The following PLCB4 variants were observed in gnomAD, a reference collection of about 807,000 sequenced individuals.
PLCB4 encodes the protein phospholipase C beta 4.
Under a neutral mutation model 178.8 loss-of-function variants are expected in PLCB4, and 77 were observed. The observed-to-expected ratio is 0.43, with a 90% CI of 0.36 to 0.52. PLCB4 has a LOEUF of 0.52. Ranked by LOEUF, PLCB4 falls within the 20% of genes least tolerant of loss-of-function variation. The pLI is 0.00. For missense variants in PLCB4, 1,024 were observed against 1,453.4 expected (o/e 0.70, Z 4.80); for synonymous variants, 496 against 490.8 (o/e 1.01, Z -0.14).
intron 3 of PLCB4, among the ~76,000 whole-genome samples, chr20:9,235,141 G>A (rs1459024782): frequency 2.0e-5 from 3 of 152,188 alleles, no homozygotes; most frequent in African/African-American, 7.2e-5. Context: ...TAATGAAAGT[G>A]TGGTAGGGTC....
intron 3 of PLCB4, among the ~76,000 whole-genome samples, chr20:9,270,551 T>C (rs908869591): frequency 6.6e-6 from 1 of 152,180 alleles, no homozygotes; most frequent in African/African-American, 2.4e-5. Context: ...TATGTACCAT[T>C]CATGACTTAC....
chr20:9,266,458 A>G (rs1214596964), intron 3 of PLCB4, among the ~76,000 whole-genome samples: 1 of 152,206 alleles, frequency 6.6e-6, no homozygotes, highest in East Asian at 1.9e-4. Flanking sequence ...CACACGTCTG[A>G]AATCAAATCC....
chr20:9,463,446 G>GC (rs1568894032), intron 35 of PLCB4, among the ~76,000 whole-genome samples: 1 of 151,878 alleles, frequency 6.6e-6, no homozygotes, highest in Non-Finnish European at 1.5e-5. Flanking sequence ...TAGGCTAAAT[G>GC]CCCCAATTAA....
At chr20:9,271,720 C>G (rs75392635) in intron 3 of PLCB4, among the ~76,000 whole-genome samples, 4,173 of 152,174 alleles carry the variant, frequency 0.027, 198 homozygotes, top group African/African-American at 0.093. Context: ...CACTTAGCTT[C>G]TTCCAAGAAG....
intron 2 of PLCB4, among the ~76,000 whole-genome samples, chr20:9,156,693 A>C (rs1390239490): frequency 6.6e-6 from 1 of 152,154 alleles, no homozygotes; most frequent in Admixed American, 6.6e-5. Context: ...TTTGACATTC[A>C]AAAGCAATCA....
chr20:9,459,396 AGT>A (rs2043254637), intron 34 of PLCB4, among the ~76,000 whole-genome samples: 1 of 152,184 alleles, frequency 6.6e-6, no homozygotes, highest in Non-Finnish European at 1.5e-5. Context: ...TAAGTGAGGC[AGT>A]AAAATAAGGG....
intron 2 of PLCB4, among the ~76,000 whole-genome samples, chr20:9,100,348 TAAC>T (rs1332192493): frequency 1.3e-5 from 2 of 152,198 alleles, no homozygotes; most frequent in African/African-American, 4.8e-5. Context: ...CGTGGAATAA[TAAC>T]AGGACAATTT....
At chr20:9,107,120 G>A (rs903084884) in intron 2 of PLCB4, among the ~76,000 whole-genome samples, 5 of 152,132 alleles carry the variant, frequency 3.3e-5, no homozygotes, top group Non-Finnish European at 7.4e-5. Context: ...TCGATTAGTT[G>A]TGTGTTTATT....
chr20:9,358,333 C>T (rs768656920), intron 7 of PLCB4, among the ~76,000 whole-genome samples: 1 of 152,206 alleles, frequency 6.6e-6, no homozygotes, highest in Non-Finnish European at 1.5e-5. Flanking sequence ...TCTGTGAAAA[C>T]AGAGAGCCAA....
intron 28 of PLCB4, among the ~76,000 whole-genome samples, chr20:9,434,581 G>T (rs1386814919): frequency 1.3e-5 from 2 of 152,114 alleles, no homozygotes; most frequent in Non-Finnish European, 2.9e-5. Context: ...TCACCATGTT[G>T]CCTAGGCTGG....
intron 3 of PLCB4, among the ~76,000 whole-genome samples, chr20:9,259,249 A>G (rs2094271766): frequency 6.6e-6 from 1 of 152,212 alleles, no homozygotes; most frequent in Non-Finnish European, 1.5e-5. Flanking sequence ...ATAATATTGC[A>G]TGGCTTTCTC....
intron 3 of PLCB4, among the ~76,000 whole-genome samples, chr20:9,258,324 G>A (rs1308252084): frequency 6.6e-6 from 1 of 152,152 alleles, no homozygotes; most frequent in Non-Finnish European, 1.5e-5. Context: ...GAGTGGACCA[G>A]TAACTAAACA....
rs1017698050 is a variant in PLCB4 at position 9,415,642 on chromosome 20, G to A, written c.2052-4165G>A. Among the ~76,000 whole-genome samples, 4 of 152,120 alleles carry A rather than the reference G, an allele frequency of 2.6e-5. No individual in the cohort carries two copies. In the East Asian group the frequency reaches 7.7e-4, roughly 29 times the overall value. On this transcript the variant is annotated intron_variant, in intron 25 of 39. Transcript: ENST00000378473. Reference sequence around the variant, plus strand: ...CTTTGGCCTTGTGCCTGTGCCTACCGCACAGACCTAGATGTCTGGAATGAG... The same window carrying A: ...CTTTGGCCTTGTGCCTGTGCCTACCACACAGACCTAGATGTCTGGAATGAG...
chr20:9,475,228 T>C (rs2044466156), intron 38 of PLCB4, among the ~76,000 whole-genome samples: 1 of 152,232 alleles, frequency 6.6e-6, no homozygotes, highest in Admixed American at 6.5e-5. Flanking sequence ...CTAAAGAATG[T>C]AAATGTGCTC....
intron 3 of PLCB4, among the ~76,000 whole-genome samples, chr20:9,301,888 C>G (rs771322471): frequency 1.3e-5 from 2 of 151,956 alleles, no homozygotes; most frequent in Non-Finnish European, 2.9e-5. Flanking sequence ...TAGAACAATG[C>G]GACTATTTAA....
chr20:9,450,751 C>G (rs2042719037), intron 32 of PLCB4, among the ~76,000 whole-genome samples: 1 of 146,308 alleles, frequency 6.8e-6, no homozygotes, highest in Non-Finnish European at 1.5e-5. Flanking sequence ...CGGGTTCAAG[C>G]AATTCTCGTC....
At chr20:9,262,223 G>A (rs1009222711) in intron 3 of PLCB4, among the ~76,000 whole-genome samples, 5 of 152,152 alleles carry the variant, frequency 3.3e-5, no homozygotes, top group Non-Finnish European at 5.9e-5. Context: ...AAAAGTGGAA[G>A]ATCAGAGACA....
intron 24 of PLCB4, 94 bp downstream of exon 24, chr20:9,409,275 A>G: frequency 1.0e-6 from 1 of 1,001,872 alleles, no homozygotes; most frequent in South Asian, 1.9e-5. Flanking sequence ...GGCATTTTTT[A>G]AAGGAAGCAG....
rs371472285 is a variant in PLCB4 at position 9,225,665 on chromosome 20, A to G, written c.-16+8213A>G. Among the ~76,000 whole-genome samples the G allele has an allele frequency of 5.9e-5, 9 of 152,220 alleles. No homozygotes were observed. In the East Asian group the frequency reaches 1.7e-3, roughly 29 times the overall value. On this transcript the variant is annotated intron_variant, in intron 3 of 39. Transcript: ENST00000378473. ...TCTTGTTTCCTCACCTGTTCCACAC[A>G]CTCCCATGTTAAATTGGGCATTCTG... is the stretch of plus-strand genomic sequence containing the variant.
Sources: allele counts gnomAD v4.1 joint callset (sites outside exome capture counted in the v4.1 genomes callset), GRCh38; gene constraint gnomAD v4.1.1; transcripts MANE v1.5; gene names NCBI Gene and HGNC (gene_info 2026-07-23, HGNC 2026-07-21).